POLQ: variants seen among roughly 807,000 people sequenced by gnomAD.
POLQ encodes DNA polymerase theta.
In POLQ, 233 loss-of-function variants were observed where a neutral mutation model predicts 259.2. The ratio of observed to expected loss-of-function variants is 0.90; its 90% confidence interval spans 0.81 to 1.00. POLQ has a LOEUF of 1.00. Among genes scored for constraint, POLQ ranks in the 50% least tolerant of loss-of-function variants. The probability of loss-of-function intolerance (pLI) is 0.00; values close to 1 mark genes in which losing one functional copy is unlikely to be tolerated. For missense variants in POLQ, 2,871 were observed against 3,051.6 expected, an observed-to-expected ratio of 0.94 and a Z score of 1.39; for synonymous variants, 1,025 against 1,048.8, an observed-to-expected ratio of 0.98 and a Z score of 0.44.
chr3:121,483,284 CTT>C (rs10576436), intron 18 of POLQ, 100 bp downstream of exon 18: 586,687 of 586,744 alleles, frequency 1, 293,315 homozygotes, highest in Middle Eastern at 1. Flanking sequence ...CTCTAAAATA[CTT>C]TTAAGCTGCA....
intron 10 of POLQ, among the ~76,000 whole-genome samples, chr3:121,511,226 CAAAAAAA>C (rs34066876): frequency 1.1e-3 from 82 of 74,928 alleles, no homozygotes; most frequent in African/African-American, 3.3e-3. Context: ...ACTCCGTCTC[CAAAAAAA>C]AAAAAAAAAA....
rs758335813 is a variant in POLQ at position 121,511,892 on chromosome 3, G to C, written c.1606C>G (p.Leu536Val). The change falls in exon 10 of 30, where the codon CTG (leucine) becomes GTG (valine). Residue 536 changes from leucine to valine, a missense_variant. By Grantham distance (32) the Leu-to-Val change is conservative (BLOSUM62 1). Around this residue, in one of 3 missense-constraint regions of POLQ, gnomAD observed 783 missense variants for 906.2 expected, o/e 0.86. Transcript: ENST00000264233. ...EVTGSMIRAI[L>V]EIIVGGVAST... is the part of the protein sequence containing the mutation. ...TTTAGTAAATTCTCTCTTACCTCCA[G>C]AATAGCTCGTATCATGCTGCCAGTT... 1 of 1,612,234 alleles carries C rather than the reference G, an allele frequency of 6.2e-7. No individual in the cohort carries two copies. The highest frequency in any genetic ancestry group is 8.5e-7 in the Non-Finnish European group (1 of 1,179,188).
At chr3:121,512,150 G>A in intron 9 of POLQ, 121 bp from the exon 10 acceptor site, 1 of 785,922 alleles carries the variant, frequency 1.3e-6, no homozygotes, top group East Asian at 2.7e-5. Context: ...TGGTTGTTAT[G>A]GTAATAAAAT....
chr3:121,539,542 G>A lies in POLQ; in HGVS notation c.522C>T (p.Ser174=), dbSNP rs758334697. 1.6e-5 allele frequency: 26 copies of A among 1,612,092 alleles called. No individual in the cohort carries two copies. The South Asian group carries it at 2.7e-4, about 17-fold the overall frequency. The change falls in exon 4 of 30, where the codon AGC becomes AGT. Residue 174 remains serine, a synonymous_variant. Transcript: ENST00000264233. The stretch of plus-strand genomic sequence containing the variant: ...AAGAGAAATGCCTTGATGGAGAGGT[G>A]CTGCCCATATAACCGTCTACTTTTA... ...VGIKVDGYMG[S]TSPSRHFSSL...
intron 19 of POLQ, among the ~76,000 whole-genome samples, chr3:121,478,247 G>A (rs2047942702): frequency 6.6e-6 from 1 of 152,158 alleles, no homozygotes; most frequent in Non-Finnish European, 1.5e-5. Flanking sequence ...AGAGGCAGGA[G>A]CAAAACCTTT....
chr3:121,532,925 A>G, intron 6 of POLQ, 65 bp downstream of exon 6: 1 of 1,035,236 alleles, frequency 9.7e-7, no homozygotes, highest in Non-Finnish European at 1.4e-6. Flanking sequence ...TTTGTTAGCA[A>G]TTTGCTAGAA....
chr3:121,532,923 C>T, intron 6 of POLQ, 67 bp downstream of exon 6: 1 of 1,006,332 alleles, frequency 9.9e-7, no homozygotes, highest in Non-Finnish European at 1.5e-6. Flanking sequence ...AATTTGTTAG[C>T]AATTTGCTAG....
chr3:121,440,243 A>T (rs927434481), intron 26 of POLQ, 127 bp from the exon 27 acceptor site: 6 of 636,716 alleles, frequency 9.4e-6, no homozygotes, highest in African/African-American at 9.3e-5. Flanking sequence ...CATATCGTCA[A>T]ATCAGGCATG....
At chr3:121,513,810 G>A (rs1204032240) in intron 9 of POLQ, among the ~76,000 whole-genome samples, 2 of 151,734 alleles carry the variant, frequency 1.3e-5, no homozygotes, top group East Asian at 3.9e-4. Flanking sequence ...GCTCACTTAG[G>A]TCAGGAGTTC....
chr3:121,520,130 A>T, intron 8 of POLQ, 47 bp from the exon 9 acceptor site: 1 of 1,043,264 alleles, frequency 9.6e-7, no homozygotes, highest in South Asian at 1.3e-5. Flanking sequence ...TAACGAAAAT[A>T]TTATACGTGT....
At chr3:121,458,213 C>T (rs1157624374) in intron 25 of POLQ, among the ~76,000 whole-genome samples, 2 of 151,966 alleles carry the variant, frequency 1.3e-5, no homozygotes, top group African/African-American at 4.8e-5. Flanking sequence ...GGAAGGGGAA[C>T]ATCACACTCT....
In POLQ at chr3:121,489,992, T is replaced by C; in HGVS notation, c.2939A>G (p.His980Arg). 1.3e-6 allele frequency: 2 copies of C among 1,581,590 alleles called. No individual in the cohort carries two copies. Among genetic ancestry groups the C allele is most frequent in the Non-Finnish European group, 1.7e-6 (2 of 1,170,842 alleles). Reference protein sequence around the residue: ...NCNFQNGNQEHQTCSIFRARK... With the variant: ...NCNFQNGNQERQTCSIFRARK... ...TGCTCTGAAAATGGAACATGTCTGATGTTCTTGATTCCCATTCTGGAAATT... is the reference window on the plus strand; with the variant it reads ...TGCTCTGAAAATGGAACATGTCTGACGTTCTTGATTCCCATTCTGGAAATT... Residue 980 changes from histidine to arginine, a missense_variant, in exon 16 of 30, where the codon CAT becomes CGT. By Grantham distance (29) the His-to-Arg change is conservative (BLOSUM62 0). Transcript: ENST00000264233.
intron 21 of POLQ, 41 bp from the exon 22 acceptor site, chr3:121,472,205 A>T: frequency 1.1e-6 from 1 of 920,698 alleles, no homozygotes. Flanking sequence ...TCTTGTCCAA[A>T]TTCCACAGCA....
At chr3:121,544,023 A>G (rs970018603) in intron 2 of POLQ, among the ~76,000 whole-genome samples, 3 of 151,882 alleles carry the variant, frequency 2.0e-5, no homozygotes, top group African/African-American at 7.3e-5. Context: ...TATATAAAGT[A>G]TATTACTTGT....
intron 1 of POLQ, 50 bp downstream of exon 1, chr3:121,545,665 C>G: frequency 6.7e-7 from 1 of 1,497,752 alleles, no homozygotes. Flanking sequence ...CGACCCATGG[C>G]CCGGCGGAGC....
chr3:121,455,656 C>T (rs1237155789), intron 25 of POLQ, among the ~76,000 whole-genome samples: 1 of 152,178 alleles, frequency 6.6e-6, no homozygotes, highest in Non-Finnish European at 1.5e-5. Flanking sequence ...AATTCCACGA[C>T]ACACACACGC....
At chr3:121,456,600 G>C (rs1172787130) in intron 25 of POLQ, among the ~76,000 whole-genome samples, 117 of 151,844 alleles carry the variant, frequency 7.7e-4, no homozygotes, top group Non-Finnish European at 1.4e-3. Context: ...CAGACAAACA[G>C]AGAGCCAAAT....
At chr3:121,510,432 G>C (rs1360473785) in intron 10 of POLQ, among the ~76,000 whole-genome samples, 189 bp from the exon 11 acceptor site, 1 of 151,612 alleles carries the variant, frequency 6.6e-6, no homozygotes, top group Non-Finnish European at 1.5e-5. Flanking sequence ...AAAAAAATTA[G>C]CCAGGCTGGT....
At chr3:121,494,476 T>C in intron 14 of POLQ, 3 of 1,484,102 alleles carry the variant, frequency 2.0e-6, no homozygotes, top group Non-Finnish European at 2.8e-6. Context: ...AGAAAGCTGC[T>C]GGCAGAGGGG....
Sources: gnomAD v4.1 joint callset for allele counts (sites outside exome capture counted in the v4.1 genomes callset) on GRCh38, gnomAD v4.1.1 for gene constraint, gnomAD v4.1.1 regional missense constraint, MANE v1.5 for transcripts, NCBI Gene and HGNC (gene_info 2026-07-23, HGNC 2026-07-21) for gene names.